The following DYNLRB1 variants were observed in gnomAD, a reference collection of about 807,000 sequenced individuals.
DYNLRB1 encodes the protein ROBL/LC7-like 1.
DYNLRB1 carries 6 observed loss-of-function variants against 13.5 expected under a neutral mutation model. The ratio of observed to expected loss-of-function variants is 0.44; its 90% CI spans 0.24 to 0.88. The LOEUF is 0.88. Among genes scored for constraint, DYNLRB1 ranks in the 40% least tolerant of loss-of-function variants. The probability of loss-of-function intolerance (pLI) is 0.21; values close to 1 mark genes in which losing one functional copy is unlikely to be tolerated. For synonymous variants in DYNLRB1, 43 were observed against 45.0 expected (o/e 0.96, Z 0.18); for missense variants, 93 against 127.2 (o/e 0.73, Z 1.29).
chr20:34,521,686 C>A (rs1362252558), intron 1 of DYNLRB1, among the ~76,000 whole-genome samples: 1 of 152,106 alleles, frequency 6.6e-6, no homozygotes, highest in Non-Finnish European at 1.5e-5. Flanking sequence ...AATTGGGGAA[C>A]CTTGTCTCCA....
intron 3 of DYNLRB1, 80 bp from the exon 4 acceptor site, chr20:34,540,501 T>A: frequency 7.4e-7 from 1 of 1,354,204 alleles, no homozygotes; most frequent in Non-Finnish European, 1.0e-6. Flanking sequence ...TGGTTAGTGA[T>A]TTAATGGTTT....
At chr20:34,527,891 G>C (rs1261685896) in intron 2 of DYNLRB1, among the ~76,000 whole-genome samples, 1 of 152,208 alleles carries the variant, frequency 6.6e-6, no homozygotes, top group Non-Finnish European at 1.5e-5. Context: ...GCTACCCTGG[G>C]AGTAGAGGTA....
chr20:34,518,624 A>AT (rs754167132), intron 1 of DYNLRB1, among the ~76,000 whole-genome samples: 1,988 of 141,156 alleles, frequency 0.014, 23 homozygotes, highest in African/African-American at 0.019. Flanking sequence ...ATTTTTTTGT[A>AT]TTTTTTTTTT....
At chr20:34,526,481 TG>T in intron 2 of DYNLRB1, 138 bp downstream of exon 2, 7 of 546,526 alleles carry the variant, frequency 1.3e-5, no homozygotes, top group South Asian at 5.2e-5. Context: ...ACACCTCCAG[TG>T]TTCTTTTTTT....
At position 34,538,539 on chromosome 20, in the gene DYNLRB1, A is replaced by G. The variant is rs77073627; in HGVS notation, c.248-2042A>G. ...GCCTACACAACCTTCAACACACACT[A>G]CCTCTCACAAAGCACCTGAAGTGGT... On this transcript the variant is annotated intron_variant, in intron 3 of 3. Transcript: ENST00000357156. 4.3e-4 allele frequency among the ~76,000 whole-genome samples: 66 copies of G among 152,166 alleles called. 1 individual carries two copies. In the East Asian group the frequency reaches 0.012, roughly 27 times the overall value.
At chr20:34,538,111 C>A (rs1981309637) in intron 3 of DYNLRB1, among the ~76,000 whole-genome samples, 4 of 141,192 alleles carry the variant, frequency 2.8e-5, no homozygotes. Flanking sequence ...AGGCATGTGT[C>A]GCCACACCCA....
In DYNLRB1 at chr20:34,526,330, C is replaced by A. The variant is rs778656203; in HGVS notation, c.66C>A (p.Val22=). 3.1e-6 allele frequency: 5 copies of A among 1,613,988 alleles called. No individual in the cohort carries two copies. Among genetic ancestry groups the A allele is most frequent in the Non-Finnish European group, 4.2e-6 (5 of 1,180,000 alleles). The part of the protein sequence containing the change: ...QSQKGVQGII[V]VNTEGIPIKS... ...AGAAGGGAGTGCAGGGAATCATCGT[C>A]GTGAACACAGAAGGTACGCCCTCCC... Residue 22 remains valine, a synonymous_variant, in exon 2 of 4, where the codon GTC becomes GTA. Transcript: ENST00000357156.
intron 2 of DYNLRB1, chr20:34,529,795 A>G: frequency 1.5e-6 from 2 of 1,343,074 alleles, no homozygotes; most frequent in Non-Finnish European, 9.6e-7. Flanking sequence ...GCTAGACAGA[A>G]CGTGCTCCCC....
At chr20:34,526,672 T>A in intron 2 of DYNLRB1, 1 of 320,402 alleles carries the variant, frequency 3.1e-6, no homozygotes, top group Non-Finnish European at 5.9e-6. Flanking sequence ...CACACTTCAG[T>A]CTTCCATGCT....
chr20:34,518,677 C>G (rs1979465739), intron 1 of DYNLRB1, among the ~76,000 whole-genome samples: 1 of 151,284 alleles, frequency 6.6e-6, no homozygotes, highest in African/African-American at 2.4e-5. Context: ...TGGTCTTGAA[C>G]TCCTGGGCTC....
At chr20:34,516,516 C>A in intron 1 of DYNLRB1, 55 bp downstream of exon 1, 2 of 1,606,720 alleles carry the variant, frequency 1.2e-6, no homozygotes, top group Non-Finnish European at 1.7e-6. Flanking sequence ...CCACGCCAGG[C>A]CTTCAGTCTT....
chr20:34,530,214 C>A, intron 2 of DYNLRB1: 1 of 1,123,340 alleles, frequency 8.9e-7, no homozygotes, highest in Non-Finnish European at 1.1e-6. Flanking sequence ...GAAGCCCTAG[C>A]TGCTTACCTT....
At chr20:34,524,809 C>T (rs1980053735) in intron 1 of DYNLRB1, among the ~76,000 whole-genome samples, 1 of 151,888 alleles carries the variant, frequency 6.6e-6, no homozygotes, top group South Asian at 2.1e-4. Context: ...CTGCAAGCTC[C>T]ACCCCGCGGG....
At chr20:34,538,070 C>T (rs1027635044) in intron 3 of DYNLRB1, among the ~76,000 whole-genome samples, 2 of 142,760 alleles carry the variant, frequency 1.4e-5, no homozygotes, top group Non-Finnish European at 3.0e-5. Context: ...TCTCTGCAGC[C>T]TCAGCCTCCC....
intron 1 of DYNLRB1, among the ~76,000 whole-genome samples, chr20:34,525,187 C>CT (rs1980094260): frequency 2.0e-5 from 3 of 152,110 alleles, no homozygotes. Flanking sequence ...GGATCCCCCC[C>CT]CCCATTTCTT....
chr20:34,525,814 C>T (rs1241427412), intron 1 of DYNLRB1, among the ~76,000 whole-genome samples: 2 of 152,288 alleles, frequency 1.3e-5, no homozygotes, highest in East Asian at 3.9e-4. Context: ...ATCTCAGATG[C>T]CTGCCGCAGT....
rs557157231 is a variant in DYNLRB1, at chr20:34,527,484, T to TAC, written c.79+1141_79+1142insAC. The stretch of plus-strand genomic sequence containing the variant: ...GTGAGGCATTTGTTCATACAAACTC[T>TAC]GATTTACCTGATTGGGTTCCCCTGT... On this transcript the variant is annotated intron_variant, in intron 2 of 3. Coordinates refer to ENST00000357156, the MANE Select transcript of DYNLRB1 (RefSeq NM_014183.4). 8.4e-3 allele frequency among the ~76,000 whole-genome samples: 1,275 copies of TAC among 152,368 alleles called. 8 individuals are homozygous for TAC. Among genetic ancestry groups the TAC allele is most frequent in the Admixed American group, 0.014 (210 of 15,304 alleles).
chr20:34,533,870 C>T (rs1041319685), intron 2 of DYNLRB1, among the ~76,000 whole-genome samples: 14 of 151,610 alleles, frequency 9.2e-5, no homozygotes, highest in African/African-American at 3.1e-4. Flanking sequence ...GGTGCGATGG[C>T]TCACGTCTGT....
intron 1 of DYNLRB1, among the ~76,000 whole-genome samples, chr20:34,523,076 C>T (rs1979890330): frequency 6.6e-6 from 1 of 152,130 alleles, no homozygotes; most frequent in South Asian, 2.1e-4. Context: ...GCATTGTGGT[C>T]AGTGCTGCGA....
Sources: allele counts gnomAD v4.1 joint callset (sites outside exome capture counted in the v4.1 genomes callset), GRCh38; gene constraint gnomAD v4.1.1; transcripts MANE v1.5; gene names NCBI Gene and HGNC (gene_info 2026-07-23, HGNC 2026-07-21).